ASTN1: variants seen among roughly 807,000 people sequenced by gnomAD.
ASTN1 encodes astrotactin 1.
Under a neutral mutation model 140.7 loss-of-function variants are expected in ASTN1, and 41 were observed. That is an observed-to-expected ratio of 0.29 (90% confidence interval 0.23 to 0.38). ASTN1 has a LOEUF of 0.38. Among genes scored for constraint, ASTN1 ranks in the 10% least tolerant of loss-of-function variants. The pLI is 1.00. For missense variants in ASTN1, 1,479 were observed against 1,678.8 expected (o/e 0.88, Z 2.08); for synonymous variants, 640 against 652.2 (o/e 0.98, Z 0.29).
intron 8 of ASTN1, among the ~76,000 whole-genome samples, chr1:176,966,044 A>C (rs1323812546): frequency 6.6e-6 from 1 of 152,214 alleles, no homozygotes; most frequent in Admixed American, 6.6e-5. Flanking sequence ...TTATTTAATT[A>C]TTAAAGCAAG....
intron 1 of ASTN1, among the ~76,000 whole-genome samples, chr1:177,094,206 C>G (rs1378614023): frequency 6.6e-6 from 1 of 152,130 alleles, no homozygotes; most frequent in East Asian, 1.9e-4. Context: ...AACATCAAGG[C>G]TCACAGACAC....
At chr1:177,042,357 T>C (rs1677019542) in intron 2 of ASTN1, among the ~76,000 whole-genome samples, 1 of 152,208 alleles carries the variant, frequency 6.6e-6, no homozygotes, top group Non-Finnish European at 1.5e-5. Context: ...GCACAGTCCC[T>C]AGCCTGGGAG....
chr1:177,088,618 A>G (rs971462470), intron 1 of ASTN1, among the ~76,000 whole-genome samples: 1 of 152,140 alleles, frequency 6.6e-6, no homozygotes, highest in African/African-American at 2.4e-5. Context: ...CCCTCTTTTG[A>G]TAGAATACTA....
intron 22 of ASTN1, among the ~76,000 whole-genome samples, chr1:176,865,519 T>C (rs1442208003): frequency 6.6e-6 from 1 of 152,210 alleles, no homozygotes; most frequent in African/African-American, 2.4e-5. Flanking sequence ...GTTTTTCTTA[T>C]TCTTTAAAAA....
At chr1:177,036,337 G>A (rs542673992) in intron 2 of ASTN1, among the ~76,000 whole-genome samples, 42 of 151,892 alleles carry the variant, frequency 2.8e-4, no homozygotes, top group Middle Eastern at 3.4e-3. Context: ...GTGAGCCACC[G>A]TGCCCGGCCG....
At chr1:177,156,269 CAAA>C (rs919683416) in intron 1 of ASTN1, among the ~76,000 whole-genome samples, 1 of 76,718 alleles carries the variant, frequency 1.3e-5, no homozygotes. Flanking sequence ...GACTCCGTCT[CAAA>C]AAAAAAAAAA....
At position 176,863,521 on chromosome 1, in the gene ASTN1, C is replaced by A. The variant is rs548168896; in HGVS notation, c.*763G>T. On this transcript the variant is annotated 3_prime_UTR_variant, in exon 23 of 23. Transcript: ENST00000361833. ...TAACTAGTCTCCCAGGTAGACTTTT[C>A]TGAAGGTGCAGTTGACAGATGGCAT... is the stretch of plus-strand genomic sequence containing the variant. 7.1e-6 allele frequency: 7 copies of A among 985,508 alleles called. No homozygotes were observed. In the Admixed American group the frequency reaches 3.1e-4, roughly 43 times the overall value. The allele number at this position is 985,508 out of a possible 1,614,324, so 61.0% of individuals were successfully genotyped here. A position where few individuals can be genotyped will look rare whatever the true frequency, so the allele number is the denominator to read the frequency against.
At chr1:177,067,083 C>G (rs1678398226) in intron 1 of ASTN1, among the ~76,000 whole-genome samples, 1 of 151,744 alleles carries the variant, frequency 6.6e-6, no homozygotes, top group Non-Finnish European at 1.5e-5. Flanking sequence ...GAACGCTTAT[C>G]CAAACCAAAT....
intron 16 of ASTN1, among the ~76,000 whole-genome samples, chr1:176,897,248 C>G (rs995831487): frequency 1.0e-4 from 13 of 129,176 alleles, no homozygotes; most frequent in Non-Finnish European, 2.0e-4. Flanking sequence ...GCATTCCAGC[C>G]TGGGCTACAG....
intron 1 of ASTN1, among the ~76,000 whole-genome samples, chr1:177,064,745 G>T (rs1678267539): frequency 6.6e-6 from 1 of 152,238 alleles, no homozygotes; most frequent in Non-Finnish European, 1.5e-5. Context: ...TCATTTTTCA[G>T]TTTCAAGATA....
chr1:177,022,285 C>T (rs1026872563), intron 7 of ASTN1, among the ~76,000 whole-genome samples: 3 of 152,102 alleles, frequency 2.0e-5, no homozygotes, highest in Non-Finnish European at 4.4e-5. Flanking sequence ...ACATGCTGTA[C>T]AAAAAGCTTC....
At chr1:177,046,929 C>T (rs61813300) in intron 2 of ASTN1, among the ~76,000 whole-genome samples, 5,558 of 152,302 alleles carry the variant, frequency 0.036, 138 homozygotes, top group Non-Finnish European at 0.057. Context: ...ACTGACCAGC[C>T]ATTCAGCCAT....
chr1:177,056,029 A>G (rs1677785082), intron 2 of ASTN1, among the ~76,000 whole-genome samples: 1 of 152,172 alleles, frequency 6.6e-6, no homozygotes, highest in Non-Finnish European at 1.5e-5. Context: ...TAGGTATGAA[A>G]TGAGGCACGG....
intron 16 of ASTN1, among the ~76,000 whole-genome samples, chr1:176,916,013 T>G (rs2103066645): frequency 6.6e-6 from 1 of 152,324 alleles, no homozygotes; most frequent in Non-Finnish European, 1.5e-5. Context: ...ATGTCCCTGG[T>G]TTATCTCCAC....
intron 1 of ASTN1, among the ~76,000 whole-genome samples, chr1:177,145,444 A>T (rs1682677694): frequency 6.6e-6 from 1 of 152,174 alleles, no homozygotes; most frequent in Admixed American, 6.5e-5. Context: ...TAAGTTCCAT[A>T]ATTCTGAAAT....
At chr1:177,010,571 A>G (rs75803296) in intron 8 of ASTN1, among the ~76,000 whole-genome samples, 1,656 of 152,298 alleles carry the variant, frequency 0.011, 35 homozygotes, top group African/African-American at 0.038. Context: ...CTTCTTGTGC[A>G]CTGAATTCAA....
chr1:177,103,187 C>T (rs1223495155), intron 1 of ASTN1, among the ~76,000 whole-genome samples: 1 of 152,116 alleles, frequency 6.6e-6, no homozygotes, highest in Non-Finnish European at 1.5e-5. Flanking sequence ...TTATACAGAC[C>T]TCACATGTTC....
intron 18 of ASTN1, among the ~76,000 whole-genome samples, chr1:176,886,021 T>TG (rs1335005865): frequency 3.3e-5 from 5 of 152,144 alleles, no homozygotes; most frequent in Non-Finnish European, 5.9e-5. Context: ...TAGAGTCATA[T>TG]GCAGAGTGCT....
At chr1:177,005,241 T>C (rs1016338949) in intron 8 of ASTN1, among the ~76,000 whole-genome samples, 10 of 152,264 alleles carry the variant, frequency 6.6e-5, no homozygotes, top group Non-Finnish European at 1.5e-4. Flanking sequence ...CTCAACATTA[T>C]TAATCATCGG....
Sources: gnomAD v4.1 joint callset for allele counts (sites outside exome capture counted in the v4.1 genomes callset) on GRCh38, gnomAD v4.1.1 for gene constraint, MANE v1.5 for transcripts, NCBI Gene and HGNC (gene_info 2026-07-23, HGNC 2026-07-21) for gene names.